The following CNTN5 variants were observed in gnomAD, a reference collection of about 807,000 sequenced individuals.
CNTN5 encodes contactin 5, also known as contactin-5.
In CNTN5, 77 loss-of-function variants were observed where a neutral mutation model predicts 129.1. The observed-to-expected ratio is 0.60, with a 90% CI of 0.50 to 0.72. The LOEUF is 0.72. Ranked by LOEUF, CNTN5 falls within the 30% of genes least tolerant of loss-of-function variation. CNTN5 has a pLI of 0.00. For missense variants in CNTN5, 1,478 were observed against 1,328.8 expected (o/e 1.11, Z -1.75); for synonymous variants, 509 against 465.6 (o/e 1.09, Z -1.20).
intron 3 of CNTN5, among the ~76,000 whole-genome samples, chr11:99,703,811 G>A (rs1367199145): frequency 6.6e-6 from 1 of 150,846 alleles, no homozygotes; most frequent in Non-Finnish European, 1.5e-5. Flanking sequence ...TAACTCTACT[G>A]GATCTCATTC....
At chr11:99,737,015 A>G (rs147183150) in intron 3 of CNTN5, among the ~76,000 whole-genome samples, 1 of 152,272 alleles carries the variant, frequency 6.6e-6, no homozygotes, top group African/African-American at 2.4e-5. Flanking sequence ...AGCAAGTCTC[A>G]TATTTTGACT....
intron 3 of CNTN5, among the ~76,000 whole-genome samples, chr11:99,810,248 C>T (rs752511018): frequency 6.6e-5 from 10 of 152,056 alleles, no homozygotes; most frequent in African/African-American, 9.7e-5. Flanking sequence ...CAAAGTTATC[C>T]AAATCTTACA....
intron 13 of CNTN5, among the ~76,000 whole-genome samples, chr11:100,140,941 C>T (rs1946680937): frequency 6.6e-6 from 1 of 152,220 alleles, no homozygotes; most frequent in South Asian, 2.1e-4. Context: ...AGTCCCCCAT[C>T]CTTCAGCTGC....
chr11:99,278,811 T>C (rs1384170945), intron 1 of CNTN5, among the ~76,000 whole-genome samples: 1 of 151,744 alleles, frequency 6.6e-6, no homozygotes, highest in African/African-American at 2.4e-5. Context: ...CTGTATTAAA[T>C]ATACATTATT....
intron 2 of CNTN5, among the ~76,000 whole-genome samples, chr11:99,381,974 C>G (rs1940588113): frequency 9.7e-6 from 1 of 102,656 alleles, no homozygotes; most frequent in African/African-American, 4.3e-5. Context: ...ATCGTAGTCT[C>G]CCTTTAAAAA....
chr11:99,668,401 C>T lies in CNTN5; in HGVS notation c.55+112132C>T, dbSNP rs1366102083. 1.3e-5 allele frequency among the ~76,000 whole-genome samples: 2 copies of T among 152,040 alleles called. 1 individual carries two copies. Among genetic ancestry groups the T allele is most frequent in the Non-Finnish European group, 2.9e-5 (2 of 68,000 alleles). ...AGTCCTGGAGTGGTGATTCTCGTAT[C>T]CTTCTTGTCTATCATAAGGGAAGAA... On this transcript the variant is annotated intron_variant, in intron 3 of 24. Transcript: ENST00000524871.
intron 2 of CNTN5, among the ~76,000 whole-genome samples, chr11:99,433,371 AT>A (rs376012579): frequency 0.12 from 17,040 of 140,754 alleles, 1,237 homozygotes; most frequent in Non-Finnish European, 0.17. Flanking sequence ...TAAAAAAAAA[AT>A]GTGTGTGTGT....
At position 99,867,554 on chromosome 11, in the gene CNTN5, A is replaced by C. The variant is rs1948388597; in HGVS notation, c.577+22292A>C. ...TTTCCAGTTTCTGGCTGCTGCCCAC[A>C]TTTCTTAGCTTCTGATCTTTTTCTT... On this transcript the variant is annotated intron_variant, in intron 6 of 24. Transcript: ENST00000524871. Among the ~76,000 whole-genome samples the C allele has an allele frequency of 2.0e-5, 3 of 152,242 alleles. No homozygotes were observed. In the South Asian group the frequency reaches 6.2e-4, roughly 32 times the overall value.
Position 99,703,574 on chromosome 11 carries a change from G to A in CNTN5, c.56-115970G>A, listed in dbSNP as rs552633718. On this transcript the variant is annotated intron_variant, in intron 3 of 24. Transcript: ENST00000524871. Reference sequence around the variant, plus strand: ...GTTACTGTTTCTGTTTTGAAGATGAGGAAATTTGTAAATCCGAAAGTTTAA... The same window carrying A: ...GTTACTGTTTCTGTTTTGAAGATGAAGAAATTTGTAAATCCGAAAGTTTAA... Among the ~76,000 whole-genome samples the A allele has an allele frequency of 8.7e-4, 131 of 150,822 alleles. 1 individual carries two copies. Among genetic ancestry groups the A allele is most frequent in the Non-Finnish European group, 1.1e-3 (73 of 67,140 alleles).
intron 8 of CNTN5, among the ~76,000 whole-genome samples, chr11:99,998,997 A>C (rs1480700320): frequency 6.6e-6 from 1 of 152,142 alleles, no homozygotes; most frequent in Non-Finnish European, 1.5e-5. Context: ...CCTTATACAA[A>C]AATTAATTCA....
intron 7 of CNTN5, among the ~76,000 whole-genome samples, chr11:99,929,630 C>T (rs987323601): frequency 6.6e-6 from 1 of 152,132 alleles, no homozygotes; most frequent in Non-Finnish European, 1.5e-5. Context: ...GAGGGAAAAG[C>T]CCCTTATAAA....
chr11:99,379,195 C>A (rs1940371513), intron 2 of CNTN5, among the ~76,000 whole-genome samples: 1 of 98,652 alleles, frequency 1.0e-5, no homozygotes, highest in Admixed American at 9.9e-5. Flanking sequence ...TTTTTTTTTA[C>A]TGTTGTATCA....
At chr11:99,865,214 T>C (rs1948323038) in intron 6 of CNTN5, among the ~76,000 whole-genome samples, 1 of 152,146 alleles carries the variant, frequency 6.6e-6, no homozygotes, top group Non-Finnish European at 1.5e-5. Flanking sequence ...CTTGTTATAT[T>C]GTAGCAATTT....
chr11:99,103,930 T>G lies in CNTN5; in HGVS notation c.-210+82660T>G, dbSNP rs544439500. 1.3e-3 allele frequency among the ~76,000 whole-genome samples: 200 copies of G among 152,250 alleles called. 3 individuals carry two copies. In the South Asian group the frequency reaches 0.04, roughly 30 times the overall value. On this transcript the variant is annotated intron_variant, in intron 1 of 24. Transcript: ENST00000524871. ...TTCTCCTCTATCATCTTCAAAACAC[T>G]GTGGCTTGGCTGAATCCTTCATTTT...
At position 99,819,536 on chromosome 11, in the gene CNTN5, T is replaced by G. The variant is rs1422530918; in HGVS notation, c.56-8T>G. ...AATTCAGATTTTATTATATTTTTTC[T>G]CTTACAGAGTATTCAAAATCTCTTC... On this transcript the variant is annotated splice_region_variant and splice_polypyrimidine_tract_variant and intron_variant, in intron 3 of 24. Transcript: ENST00000524871. The G allele has an allele frequency of 6.3e-7, 1 of 1,592,588 alleles. No individual in the cohort carries two copies. The highest frequency in any genetic ancestry group is 1.7e-5 in the Admixed American group (1 of 59,456).
Position 99,974,332 on chromosome 11 carries a change from A to T in CNTN5, c.877+17323A>T. On this transcript the variant is annotated intron_variant, in intron 8 of 24. Transcript: ENST00000524871. The stretch of plus-strand genomic sequence containing the variant: ...TAACATCAGTTAAGGGACAGGCACA[A>T]GGTCATAGTTGGTGAGAGGTCTCGA... 1.3e-5 allele frequency among the ~76,000 whole-genome samples: 2 copies of T among 152,202 alleles called. 1 individual carries two copies. The highest frequency in any genetic ancestry group is 2.9e-5 in the Non-Finnish European group (2 of 68,048).
At chr11:99,988,472 A>G (rs1443672392) in intron 8 of CNTN5, among the ~76,000 whole-genome samples, 2 of 152,212 alleles carry the variant, frequency 1.3e-5, no homozygotes, top group Non-Finnish European at 2.9e-5. Flanking sequence ...CTTCTGAAGA[A>G]TGATAAAACT....
At chr11:99,462,822 T>G (rs1264551472) in intron 2 of CNTN5, among the ~76,000 whole-genome samples, 2 of 152,138 alleles carry the variant, frequency 1.3e-5, no homozygotes, top group Non-Finnish European at 2.9e-5. Flanking sequence ...CGACGGCTCA[T>G]GCCTGTAATC....
At chr11:99,708,003 T>G (rs1954824997) in intron 3 of CNTN5, among the ~76,000 whole-genome samples, 1 of 151,592 alleles carries the variant, frequency 6.6e-6, no homozygotes, top group Non-Finnish European at 1.5e-5. Flanking sequence ...CTGCAGATAT[T>G]ATTAATATAC....
Sources: allele counts gnomAD v4.1 joint callset (sites outside exome capture counted in the v4.1 genomes callset), GRCh38; gene constraint gnomAD v4.1.1; transcripts MANE v1.5; gene names NCBI Gene and HGNC (gene_info 2026-07-23, HGNC 2026-07-21).